Variants in RYR2 observed in about 807,000 individuals in gnomAD.
The protein encoded by RYR2 is ryanodine receptor 2, also known as cardiac muscle ryanodine receptor-calcium release channel.
In RYR2, 227 loss-of-function variants were observed where a neutral mutation model predicts 601.1. That is an observed-to-expected ratio of 0.38 (90% CI 0.34 to 0.42). RYR2 has a LOEUF of 0.42. Ranked by LOEUF, RYR2 falls within the 10% of genes least tolerant of loss-of-function variation. RYR2 has a pLI of 1.00. For missense variants in RYR2, 4,646 were observed against 6,156.5 expected (o/e 0.75, Z 8.21); for synonymous variants, 2,223 against 2,175.1 (o/e 1.02, Z -0.61).
At chr1:237,742,273 T>C (rs760719539) in intron 79 of RYR2, 23 bp from the exon 80 acceptor site, 166 of 1,386,104 alleles carry the variant, frequency 1.2e-4, no homozygotes, top group Middle Eastern at 2.1e-4. Context: ...CTGTCTCCTT[T>C]TTTTTTTTTT....
intron 57 of RYR2, 40 bp downstream of exon 57, chr1:237,666,629 A>T: frequency 6.7e-7 from 1 of 1,493,648 alleles, no homozygotes; most frequent in South Asian, 1.2e-5. Flanking sequence ...TCCAAATTTA[A>T]TTTTTAAGAA....
At chr1:237,657,669 T>A (rs1558156481) in intron 53 of RYR2, among the ~76,000 whole-genome samples, 2 of 151,316 alleles carry the variant, frequency 1.3e-5, no homozygotes, top group Non-Finnish European at 3.0e-5. Flanking sequence ...ATTTATATAT[T>A]TAATAATAAT....
intron 1 of RYR2, among the ~76,000 whole-genome samples, chr1:237,189,875 T>TTA (rs770987623): frequency 4.1e-5 from 5 of 122,800 alleles, no homozygotes; most frequent in African/African-American, 2.5e-4. Context: ...TTATTTTTAT[T>TTA]TTTATTTTTT....
Position 237,105,962 on chromosome 1 carries a change from G to A in RYR2, c.48+63393G>A, listed in dbSNP as rs535793316. On this transcript the variant is annotated intron_variant, in intron 1 of 104. Transcript: ENST00000366574. Reference sequence around the variant, plus strand: ...TTAGTTCATGGGCTTCCAGGCAGAGGGAGCAGCCAGTGCCAGCACCAACGT... The same window carrying A: ...TTAGTTCATGGGCTTCCAGGCAGAGAGAGCAGCCAGTGCCAGCACCAACGT... Among the ~76,000 whole-genome samples the A allele has an allele frequency of 2.0e-5, 3 of 152,264 alleles. No individual in the cohort carries two copies. The East Asian group carries it at 5.8e-4, about 29-fold the overall frequency.
chr1:237,757,923 G>A, intron 82 of RYR2, 147 bp downstream of exon 82: 68 of 494,048 alleles, frequency 1.4e-4, no homozygotes, highest in South Asian at 4.2e-4. Context: ...AGCAAAAGAG[G>A]GAAAAAGTAA....
chr1:237,284,676 ATATATG>A (rs200808463), intron 2 of RYR2, among the ~76,000 whole-genome samples: 3 of 74,070 alleles, frequency 4.1e-5, no homozygotes, highest in Non-Finnish European at 7.4e-5. Context: ...ATATATATAT[ATATATG>A]TACACACACA....
At chr1:237,740,692 C>A (rs1021666725) in intron 79 of RYR2, among the ~76,000 whole-genome samples, 2 of 152,008 alleles carry the variant, frequency 1.3e-5, no homozygotes, top group Admixed American at 1.3e-4. Flanking sequence ...AATTTCATAT[C>A]CTTGAGACAT....
intron 40 of RYR2, among the ~76,000 whole-genome samples, chr1:237,626,217 C>T (rs1381905665): frequency 1.3e-5 from 2 of 152,110 alleles, no homozygotes; most frequent in Admixed American, 1.3e-4. Context: ...AATATTTCCT[C>T]AACTGTTGTA....
chr1:237,686,807 T>C (rs899586300), intron 62 of RYR2, among the ~76,000 whole-genome samples: 5 of 152,164 alleles, frequency 3.3e-5, no homozygotes, highest in South Asian at 2.1e-4. Flanking sequence ...ACTGAACTTA[T>C]AGGTATCCAG....
At chr1:237,757,671 G>T in intron 81 of RYR2, 26 bp from the exon 82 acceptor site, 2 of 1,471,126 alleles carry the variant, frequency 1.4e-6, no homozygotes, top group East Asian at 2.3e-5. Context: ...ATGATATAAG[G>T]AACACTACTT....
intron 1 of RYR2, among the ~76,000 whole-genome samples, chr1:237,152,084 T>C (rs576514575): frequency 2.0e-5 from 3 of 152,216 alleles, no homozygotes; most frequent in East Asian, 3.9e-4. Flanking sequence ...AGCTCCCACT[T>C]ATGAGCGAGA....
rs751232206 is a variant in RYR2 at position 237,614,602 on chromosome 1, T to C, written c.5474T>C (p.Phe1825Ser). ...EFLFVPLIKL[F>S]YTLLIMGIFH... ...CTCTTTGTACCTCTCATCAAGCTTT[T>C]CTATACCCTGCTGATCATGGGCATC... is the stretch of plus-strand genomic sequence containing the variant. The change falls in exon 37 of 105, where the codon TTC becomes TCC. Residue 1825 changes from phenylalanine to serine, a missense_variant. Around this residue, in one of 17 missense-constraint regions of RYR2, gnomAD observed 1,807 missense variants for 2,088.1 expected, o/e 0.87. Transcript: ENST00000366574. The surrounding 1 kb of genome is among the most constrained non-coding windows in gnomAD (Gnocchi z 4.3). The C allele has an allele frequency of 3.1e-6, 5 of 1,614,038 alleles. No individual in the cohort carries two copies. In the South Asian group the frequency reaches 3.3e-5, roughly 11 times the overall value.
chr1:237,785,863 G>T, intron 90 of RYR2, 106 bp from the exon 91 acceptor site: 1 of 793,310 alleles, frequency 1.3e-6, no homozygotes, highest in East Asian at 2.7e-5. Flanking sequence ...TAAGCAAGAG[G>T]GTATCTTATA....
chr1:237,612,426 G>A (rs1450953958), intron 36 of RYR2, among the ~76,000 whole-genome samples: 3 of 152,038 alleles, frequency 2.0e-5, no homozygotes, highest in Non-Finnish European at 4.4e-5. Flanking sequence ...TGTATAGCAT[G>A]TAAATTACAG....
intron 10 of RYR2, among the ~76,000 whole-genome samples, chr1:237,406,140 A>ATCCCC (rs1237315776): frequency 1.6e-4 from 12 of 73,532 alleles, no homozygotes; most frequent in African/African-American, 5.4e-4. Context: ...ATGTCCTTTC[A>ATCCCC]TCCCCTCCCC....
chr1:237,409,357 T>G (rs979680304), intron 10 of RYR2, among the ~76,000 whole-genome samples: 2 of 152,136 alleles, frequency 1.3e-5, no homozygotes, highest in African/African-American at 2.4e-5. Context: ...GGCTGAGAAT[T>G]TGTATTATTA....
chr1:237,395,640 G>T (rs1171805123), intron 10 of RYR2, among the ~76,000 whole-genome samples: 9 of 144,446 alleles, frequency 6.2e-5, no homozygotes, highest in Non-Finnish European at 1.0e-4. Context: ...TCTGCCTCCC[G>T]GGTTCATGCC....
chr1:237,351,019 T>TA (rs1698797468), intron 3 of RYR2, among the ~76,000 whole-genome samples: 1 of 152,084 alleles, frequency 6.6e-6, no homozygotes, highest in African/African-American at 2.4e-5. Flanking sequence ...ATGGAGGAAG[T>TA]ATAAGCAAAT....
intron 1 of RYR2, among the ~76,000 whole-genome samples, chr1:237,230,742 A>G (rs1684901413): frequency 6.6e-6 from 1 of 152,136 alleles, no homozygotes; most frequent in Admixed American, 6.5e-5. Flanking sequence ...AACATGGCAA[A>G]AACCCGTCTA....
Sources: allele counts gnomAD v4.1 joint callset (sites outside exome capture counted in the v4.1 genomes callset), GRCh38; gene constraint gnomAD v4.1.1; regional missense constraint gnomAD v4.1.1; non-coding constraint Gnocchi (gnomAD v3.1); transcripts MANE v1.5; gene names NCBI Gene and HGNC (gene_info 2026-07-23, HGNC 2026-07-21).